The following PPEF1 variants were observed in gnomAD, a reference collection of about 807,000 sequenced individuals.
PPEF1 encodes the protein serine/threonine-protein phosphatase with EF-hands 1.
PPEF1 carries 12 observed loss-of-function variants against 53.3 expected under a neutral mutation model. The ratio of observed to expected loss-of-function variants is 0.23; its 90% CI spans 0.14 to 0.36. The LOEUF is 0.36. PPEF1 is among the 10% of genes least tolerant of loss of function. The pLI, the probability that PPEF1 is intolerant of heterozygous loss-of-function variation, is 1.00. For synonymous variants in PPEF1, 165 were observed against 176.7 expected, an observed-to-expected ratio of 0.93 and a Z score of 0.52; for missense variants, 334 against 490.4, an observed-to-expected ratio of 0.68 and a Z score of 3.01.
intron 9 of PPEF1, among the ~76,000 whole-genome samples, chrX:18,784,650 T>C (rs768254407): frequency 9.0e-6 from 1 of 111,340 alleles, no homozygotes; most frequent in Admixed American, 9.6e-5. Context: ...GAGTCACTTA[T>C]ATAAGTGCAG....
At chrX:18,769,165 C>G (rs2045828698) in intron 6 of PPEF1, among the ~76,000 whole-genome samples, 2 of 111,912 alleles carry the variant, frequency 1.8e-5, no homozygotes, top group African/African-American at 6.5e-5. Flanking sequence ...AGAATCGCAT[C>G]TGGGTTTGAA....
chrX:18,794,280 C>T (rs1335306439), intron 10 of PPEF1, among the ~76,000 whole-genome samples: 1 of 102,266 alleles, frequency 9.8e-6, no homozygotes, highest in Non-Finnish European at 2.0e-5. Flanking sequence ...ACTAGTATCT[C>T]GGCACTACCA....
At chrX:18,766,087 AAAAAG>A (rs1324761096) in intron 6 of PPEF1, among the ~76,000 whole-genome samples, 16 of 108,780 alleles carry the variant, frequency 1.5e-4, no homozygotes, top group African/African-American at 5.1e-4. Context: ...AAAAAAAAGA[AAAAAG>A]AAAAAAGAAA....
At chrX:18,709,749 C>T (rs1241061122) in intron 1 of PPEF1, among the ~76,000 whole-genome samples, 1 of 111,309 alleles carries the variant, frequency 9.0e-6, no homozygotes, top group South Asian at 3.8e-4. Context: ...CTGCCCGCCT[C>T]GGCCTCCCAA....
At chrX:18,811,003 G>A (rs1358021177) in intron 12 of PPEF1, among the ~76,000 whole-genome samples, 1 of 112,374 alleles carries the variant, frequency 8.9e-6, no homozygotes, top group Admixed American at 9.5e-5. Flanking sequence ...CAGTGTGTGA[G>A]GATTCCAGGT....
chrX:18,784,658 C>T (rs948548354), intron 9 of PPEF1, among the ~76,000 whole-genome samples: 1 of 111,037 alleles, frequency 9.0e-6, no homozygotes. Flanking sequence ...TATATAAGTG[C>T]AGTTTATTTC....
At chrX:18,804,493 G>A (rs1002060199) in intron 11 of PPEF1, among the ~76,000 whole-genome samples, 2 of 110,349 alleles carry the variant, frequency 1.8e-5, no homozygotes, top group African/African-American at 6.6e-5. Flanking sequence ...TTTTAGTAGA[G>A]ACAGGGTTTC....
chrX:18,788,073 T>G (rs898382964), intron 9 of PPEF1, among the ~76,000 whole-genome samples: 3 of 111,474 alleles, frequency 2.7e-5, no homozygotes, highest in Admixed American at 1.9e-4. Context: ...TCCGAGCACT[T>G]TGGGAGGCCA....
chrX:18,767,913 A>G, intron 6 of PPEF1, among the ~76,000 whole-genome samples: 1 of 111,524 alleles, frequency 9.0e-6, no homozygotes, highest in Non-Finnish European at 1.9e-5. Flanking sequence ...GTGCATAACT[A>G]TGACCTAAGC....
At chrX:18,736,153 T>C (rs1163691449) in intron 3 of PPEF1, among the ~76,000 whole-genome samples, 2 of 111,619 alleles carry the variant, frequency 1.8e-5, no homozygotes, top group Non-Finnish European at 3.8e-5. Context: ...TGGCCAGAAC[T>C]TCCAACACTA....
At chrX:18,798,271 G>A (rs185117504) in intron 10 of PPEF1, among the ~76,000 whole-genome samples, 6 of 110,302 alleles carry the variant, frequency 5.4e-5, no homozygotes, top group African/African-American at 9.9e-5. Flanking sequence ...GGGCTCAAGC[G>A]ATCCTTCCTC....
intron 12 of PPEF1, among the ~76,000 whole-genome samples, chrX:18,815,278 A>G (rs1349201619): frequency 9.0e-6 from 1 of 111,369 alleles, no homozygotes; most frequent in East Asian, 2.8e-4. Context: ...TATTGTATCT[A>G]TATTCATAAG....
intron 10 of PPEF1, among the ~76,000 whole-genome samples, chrX:18,801,047 T>C (rs943960959): frequency 2.7e-5 from 3 of 112,156 alleles, no homozygotes; most frequent in Non-Finnish European, 5.6e-5. Flanking sequence ...AGAGCCAGAT[T>C]TGACTCAGTT....
intron 4 of PPEF1, among the ~76,000 whole-genome samples, chrX:18,751,074 C>T (rs1325232270): frequency 9.0e-6 from 1 of 111,588 alleles, no homozygotes; most frequent in African/African-American, 3.3e-5. Flanking sequence ...GATATAAATT[C>T]CGTATCAGAT....
intron 4 of PPEF1, among the ~76,000 whole-genome samples, chrX:18,751,269 T>A (rs1392779989): frequency 1.8e-5 from 2 of 112,334 alleles, no homozygotes; most frequent in East Asian, 5.6e-4. Context: ...GAATCCATTG[T>A]CAAATCTAAG....
intron 6 of PPEF1, among the ~76,000 whole-genome samples, chrX:18,765,081 C>A (rs2045740240): frequency 9.0e-6 from 1 of 111,608 alleles, no homozygotes; most frequent in African/African-American, 3.3e-5. Context: ...GGAGAGCTAA[C>A]CAATGACAGT....
chrX:18,768,778 G>A (rs1288735361), intron 6 of PPEF1, among the ~76,000 whole-genome samples: 1 of 112,229 alleles, frequency 8.9e-6, no homozygotes, highest in African/African-American at 3.2e-5. Flanking sequence ...GTTTAGTGGG[G>A]AAGGTTGGCT....
intron 8 of PPEF1, among the ~76,000 whole-genome samples, chrX:18,783,401 C>G (rs947750616): frequency 9.1e-6 from 1 of 110,479 alleles, no homozygotes; most frequent in Non-Finnish European, 1.9e-5. Flanking sequence ...CAGCAAGGCC[C>G]CAAGATGTCA....
At chrX:18,719,277 T>C (rs1465324810) in intron 1 of PPEF1, among the ~76,000 whole-genome samples, 1 of 111,319 alleles carries the variant, frequency 9.0e-6, no homozygotes, top group Non-Finnish European at 1.9e-5. Flanking sequence ...ATTATTTTGG[T>C]ATGGTATAAA....
Sources: allele counts gnomAD v4.1 joint callset (sites outside exome capture counted in the v4.1 genomes callset), GRCh38; gene constraint gnomAD v4.1.1; transcripts MANE v1.5; gene names NCBI Gene and HGNC (gene_info 2026-07-23, HGNC 2026-07-21).